Variants in SH3RF3 observed in about 807,000 individuals in gnomAD.
The protein encoded by SH3RF3 is E3 ubiquitin-protein ligase SH3RF3.
SH3RF3 carries 29 observed loss-of-function variants against 66.3 expected under a neutral mutation model. The ratio of observed to expected loss-of-function variants is 0.44; its 90% CI spans 0.33 to 0.60. SH3RF3 has a LOEUF of 0.60. SH3RF3 is among the 20% of genes least tolerant of loss of function. The pLI is 0.04. For missense variants in SH3RF3, 1,194 were observed against 1,190.9 expected (o/e 1.00, Z -0.04); for synonymous variants, 583 against 532.0 (o/e 1.10, Z -1.32).
chr2:109,471,023 C>T (rs1367397401), intron 8 of SH3RF3, among the ~76,000 whole-genome samples: 1 of 151,900 alleles, frequency 6.6e-6, no homozygotes, highest in Non-Finnish European at 1.5e-5. Flanking sequence ...AGTTCGAGAC[C>T]AGCCCAGCCA....
At chr2:109,351,486 T>A (rs1365861480) in intron 2 of SH3RF3, among the ~76,000 whole-genome samples, 1 of 152,236 alleles carries the variant, frequency 6.6e-6, no homozygotes, top group Admixed American at 6.5e-5. Context: ...ATTGTCTTAC[T>A]CAGCTCACCT....
intron 1 of SH3RF3, among the ~76,000 whole-genome samples, chr2:109,238,289 G>C (rs1486023633): frequency 3.3e-5 from 5 of 152,148 alleles, no homozygotes; most frequent in Admixed American, 6.5e-5. Flanking sequence ...ATACCAGATG[G>C]CAAGTACACT....
intron 8 of SH3RF3, among the ~76,000 whole-genome samples, chr2:109,456,514 G>C (rs905742474): frequency 6.6e-5 from 10 of 152,224 alleles, no homozygotes; most frequent in African/African-American, 2.4e-4. Flanking sequence ...CAGAGCACAG[G>C]CCCTCAGTGG....
chr2:109,411,726 G>A (rs528022194), intron 4 of SH3RF3, among the ~76,000 whole-genome samples: 5 of 152,294 alleles, frequency 3.3e-5, no homozygotes, highest in East Asian at 1.9e-4. Context: ...TAGGAAGGCC[G>A]GCCACACGGG....
chr2:109,229,535 C>T (rs1001794496), intron 1 of SH3RF3, among the ~76,000 whole-genome samples: 28 of 151,958 alleles, frequency 1.8e-4, no homozygotes, highest in Admixed American at 4.6e-4. Flanking sequence ...GAGCCCGATA[C>T]GGGAGGGATT....
chr2:109,358,561 T>G (rs1313357887), intron 2 of SH3RF3, among the ~76,000 whole-genome samples: 1 of 152,232 alleles, frequency 6.6e-6, no homozygotes, highest in Non-Finnish European at 1.5e-5. Context: ...ATCAACACAC[T>G]ACACACTACA....
At position 109,140,698 on chromosome 2, in the gene SH3RF3, ATT is replaced by A. The variant is rs564123067; in HGVS notation, c.573+10587_573+10588del. On this transcript the variant is annotated intron_variant, in intron 1 of 9. Coordinates refer to ENST00000309415, the MANE Select transcript of SH3RF3 (RefSeq NM_001099289.3). ...GCCCGGCCAATTTCATGCTTTTTAG[ATT>A]TATGGGAAATAGAATTTTTTCCCTT... is the stretch of plus-strand genomic sequence containing the variant. Among the ~76,000 whole-genome samples, 21 of 152,200 alleles carry A rather than the reference ATT, an allele frequency of 1.4e-4. No homozygotes were observed. In the East Asian group the frequency reaches 3.7e-3, roughly 27 times the overall value.
intron 1 of SH3RF3, among the ~76,000 whole-genome samples, chr2:109,325,343 T>C (rs1387159139): frequency 7.4e-6 from 1 of 135,514 alleles, no homozygotes; most frequent in Non-Finnish European, 1.6e-5. Context: ...TTTTTTTTTT[T>C]TTTTTTTTTT....
intron 9 of SH3RF3, among the ~76,000 whole-genome samples, chr2:109,496,074 G>A (rs533495969): frequency 6.6e-6 from 1 of 152,326 alleles, no homozygotes; most frequent in African/African-American, 2.4e-5. Context: ...GGGGTGGCCA[G>A]CTTTTATTCC....
intron 1 of SH3RF3, among the ~76,000 whole-genome samples, chr2:109,232,001 A>G (rs568383070): frequency 6.6e-6 from 1 of 152,358 alleles, no homozygotes; most frequent in Admixed American, 6.5e-5. Flanking sequence ...ACTGATGTGT[A>G]TGAATCTGCC....
chr2:109,291,349 C>T (rs1269823262), intron 1 of SH3RF3, among the ~76,000 whole-genome samples: 5 of 150,856 alleles, frequency 3.3e-5, no homozygotes, highest in African/African-American at 1.2e-4. Flanking sequence ...CATGCAGCTG[C>T]CTCTATTGCT....
chr2:109,408,568 C>A (rs368598110), intron 4 of SH3RF3, among the ~76,000 whole-genome samples: 7 of 152,266 alleles, frequency 4.6e-5, no homozygotes, highest in Non-Finnish European at 1.0e-4. Context: ...CTCCCATTCG[C>A]TGTCCCCTCT....
chr2:109,200,179 C>G (rs145343922), intron 1 of SH3RF3, among the ~76,000 whole-genome samples: 1 of 152,114 alleles, frequency 6.6e-6, no homozygotes, highest in Non-Finnish European at 1.5e-5. Flanking sequence ...TTCTAGTTTA[C>G]AAGAGAACAG....
intron 4 of SH3RF3, among the ~76,000 whole-genome samples, chr2:109,410,323 A>C (rs1676555774): frequency 1.3e-5 from 2 of 152,232 alleles, no homozygotes; most frequent in Non-Finnish European, 2.9e-5. Flanking sequence ...GAGCTCTGTG[A>C]CAGGGAGAGA....
chr2:109,445,771 A>G (rs1398814147), intron 7 of SH3RF3, among the ~76,000 whole-genome samples: 1 of 152,066 alleles, frequency 6.6e-6, no homozygotes, highest in Non-Finnish European at 1.5e-5. Flanking sequence ...GTTGGCTTGG[A>G]GTTGTGGGAG....
At chr2:109,373,440 G>A (rs1291040983) in intron 3 of SH3RF3, among the ~76,000 whole-genome samples, 1 of 152,178 alleles carries the variant, frequency 6.6e-6, no homozygotes, top group African/African-American at 2.4e-5. Context: ...TGAGGAAAAT[G>A]CAGTATATCC....
At chr2:109,429,153 T>C (rs975589100) in intron 5 of SH3RF3, among the ~76,000 whole-genome samples, 1 of 152,098 alleles carries the variant, frequency 6.6e-6, no homozygotes, top group African/African-American at 2.4e-5. Context: ...CAAATTGCTC[T>C]TCAGTGTGGT....
intron 3 of SH3RF3, among the ~76,000 whole-genome samples, chr2:109,385,297 A>G (rs553955581): frequency 6.6e-6 from 1 of 152,206 alleles, no homozygotes. Flanking sequence ...AGGGAGAAGT[A>G]TGTGTTAGAA....
intron 1 of SH3RF3, among the ~76,000 whole-genome samples, chr2:109,212,004 A>C (rs1339901603): frequency 6.6e-6 from 1 of 152,212 alleles, no homozygotes; most frequent in Non-Finnish European, 1.5e-5. Flanking sequence ...TGAATTCAAT[A>C]AATGACTGAT....
Sources: gnomAD v4.1 joint callset for allele counts (sites outside exome capture counted in the v4.1 genomes callset) on GRCh38, gnomAD v4.1.1 for gene constraint, MANE v1.5 for transcripts, NCBI Gene and HGNC (gene_info 2026-07-23, HGNC 2026-07-21) for gene names.